WWP2: variants seen among roughly 807,000 people sequenced by gnomAD.
WWP2 encodes WW domain containing E3 ubiquitin protein ligase 2.
WWP2 carries 57 observed loss-of-function variants against 121.0 expected under a neutral mutation model. The ratio of observed to expected loss-of-function variants is 0.47; its 90% CI spans 0.38 to 0.59. The LOEUF (loss-of-function observed/expected upper bound fraction) is 0.59. Ranked by LOEUF, WWP2 falls within the 20% of genes least tolerant of loss-of-function variation. The pLI is 0.00. For missense variants in WWP2, 962 were observed against 1,158.9 expected (o/e 0.83, Z 2.47); for synonymous variants, 449 against 441.3 (o/e 1.02, Z -0.22).
At chr16:69,836,441 A>G (rs897659674) in intron 4 of WWP2, among the ~76,000 whole-genome samples, 3 of 152,104 alleles carry the variant, frequency 2.0e-5, no homozygotes, top group African/African-American at 7.2e-5. Context: ...CATGTGAAGC[A>G]TGTGGCATCA....
chr16:69,818,356 TG>T (rs994006035), intron 4 of WWP2, among the ~76,000 whole-genome samples: 1 of 151,926 alleles, frequency 6.6e-6, no homozygotes, highest in African/African-American at 2.4e-5. Flanking sequence ...TACAGGCACC[TG>T]CCACCACGCC....
chr16:69,917,611 G>C (rs753199713), intron 9 of WWP2, 98 bp from the exon 10 acceptor site: 192 of 1,436,018 alleles, frequency 1.3e-4, no homozygotes, highest in Middle Eastern at 2.0e-4. Context: ...CTCTGTGACA[G>C]GGCCTGCCCG....
chr16:69,884,627 TAAAAACA>T (rs1206792973), intron 7 of WWP2, among the ~76,000 whole-genome samples: 4 of 152,036 alleles, frequency 2.6e-5, no homozygotes, highest in Admixed American at 6.6e-5. Context: ...GACCCTATCT[TAAAAACA>T]AAAAACAAAA....
At chr16:69,932,472 G>A (rs1243141675) in intron 16 of WWP2, among the ~76,000 whole-genome samples, 1 of 152,270 alleles carries the variant, frequency 6.6e-6, no homozygotes, top group Non-Finnish European at 1.5e-5. Context: ...GGACTCCTGG[G>A]AGGGGCGAGA....
rs745415079 is a variant in WWP2 at position 69,917,695 on chromosome 16, G to C, written c.1005-14G>C. On this transcript the variant is annotated splice_polypyrimidine_tract_variant and intron_variant, in intron 9 of 23. Transcript: ENST00000359154. ...GGGTGGTCATTATATTCATTCTGAG[G>C]TTCCTATTTCCAGCTGGGAAAAACG... 4.4e-6 allele frequency: 7 copies of C among 1,595,870 alleles called. No individual in the cohort carries two copies. The highest frequency in any genetic ancestry group is 5.2e-6 in the Non-Finnish European group (6 of 1,164,480).
At chr16:69,766,215 G>C (rs539001050) in intron 1 of WWP2, among the ~76,000 whole-genome samples, 1 of 152,050 alleles carries the variant, frequency 6.6e-6, no homozygotes, top group East Asian at 1.9e-4. Context: ...CCCTTGACTC[G>C]TCTCTTCCTC....
intron 4 of WWP2, among the ~76,000 whole-genome samples, chr16:69,824,131 G>A (rs967056700): frequency 7.9e-5 from 12 of 152,170 alleles, no homozygotes; most frequent in African/African-American, 1.2e-4. Context: ...GGCGGCTTCC[G>A]CCTGACCGTC....
At chr16:69,934,434 G>C (rs8048838) in intron 17 of WWP2, among the ~76,000 whole-genome samples, 1 of 151,484 alleles carries the variant, frequency 6.6e-6, no homozygotes, top group Non-Finnish European at 1.5e-5. Context: ...CTGCCCTGTA[G>C]GTAGTGAAGA....
chr16:69,891,461 A>G (rs2058025954), intron 8 of WWP2, among the ~76,000 whole-genome samples: 3 of 152,186 alleles, frequency 2.0e-5, no homozygotes. Flanking sequence ...CAGCAGCTGA[A>G]TTGAGTATCT....
chr16:69,784,091 C>CTTTTTTTTTTTTTTTTTTTTTTTTTT (rs61650147), intron 1 of WWP2, among the ~76,000 whole-genome samples: 1 of 60,872 alleles, frequency 1.6e-5, no homozygotes, highest in Non-Finnish European at 3.0e-5. Context: ...TTCTTTCTTT[C>CTTTTTTTTTTTTTTTTTTTTTTTTTT]TTTTTTTTTT....
chr16:69,936,480 T>A, intron 19 of WWP2, 28 bp downstream of exon 19: 1 of 1,612,520 alleles, frequency 6.2e-7, no homozygotes, highest in Non-Finnish European at 8.5e-7. Context: ...GGGGCTCCGC[T>A]CCAGGGGTGG....
intron 7 of WWP2, among the ~76,000 whole-genome samples, chr16:69,876,981 G>A (rs1269752492): frequency 1.3e-5 from 2 of 152,088 alleles, no homozygotes; most frequent in African/African-American, 4.8e-5. Context: ...TAATTGATAA[G>A]GGCCCTAGGA....
chr16:69,928,370 T>TC lies in WWP2; in HGVS notation c.1235-1077dup, dbSNP rs2058668036. Reference sequence around the variant, plus strand: ...ACCCCCTAGTTTTTTGTTTTTTTTTTCTCCTGTCTACCTGGAGCTGAGAGG... The same window carrying TC: ...ACCCCCTAGTTTTTTGTTTTTTTTTTCCTCCTGTCTACCTGGAGCTGAGAGG... On this transcript the variant is annotated intron_variant, in intron 11 of 23. Coordinates refer to ENST00000359154, the MANE Select transcript of WWP2 (RefSeq NM_001270454.2). Among the ~76,000 whole-genome samples, 3 of 152,170 alleles carry TC rather than the reference T, an allele frequency of 2.0e-5. No homozygotes were observed. The South Asian group carries it at 6.2e-4, about 32-fold the overall frequency.
chr16:69,876,614 T>C (rs1238020331), intron 7 of WWP2, among the ~76,000 whole-genome samples: 6 of 152,180 alleles, frequency 3.9e-5, no homozygotes, highest in Non-Finnish European at 1.5e-5. Context: ...TTCACTTACC[T>C]TGGCCTCCCA....
chr16:69,931,344 T>C (rs1313318681), intron 14 of WWP2, 117 bp downstream of exon 14: 1 of 1,478,186 alleles, frequency 6.8e-7, no homozygotes, highest in Non-Finnish European at 9.4e-7. Context: ...CGCAAGACAC[T>C]TGTCTAACCC....
intron 4 of WWP2, among the ~76,000 whole-genome samples, chr16:69,812,961 T>A (rs2056422857): frequency 6.6e-6 from 1 of 152,202 alleles, no homozygotes; most frequent in African/African-American, 2.4e-5. Context: ...ACCTGCTAGT[T>A]TCTGCATCCG....
At chr16:69,856,870 A>G (rs779359862) in intron 6 of WWP2, among the ~76,000 whole-genome samples, 2 of 152,062 alleles carry the variant, frequency 1.3e-5, no homozygotes, top group Non-Finnish European at 2.9e-5. Flanking sequence ...TTTTGTGTCC[A>G]CTTGGCATAT....
intron 6 of WWP2, among the ~76,000 whole-genome samples, chr16:69,865,378 T>G (rs1437764040): frequency 6.6e-6 from 1 of 152,186 alleles, no homozygotes; most frequent in East Asian, 1.9e-4. Context: ...TAAAAAATAT[T>G]GGGGTTGTTT....
chr16:69,786,484 T>C (rs910248942), intron 1 of WWP2, among the ~76,000 whole-genome samples: 2 of 130,538 alleles, frequency 1.5e-5, no homozygotes, highest in Non-Finnish European at 3.1e-5. Flanking sequence ...GGAGTTTCGC[T>C]CTTGTCACCC....
Sources: gnomAD v4.1 joint callset for allele counts (sites outside exome capture counted in the v4.1 genomes callset) on GRCh38, gnomAD v4.1.1 for gene constraint, MANE v1.5 for transcripts, NCBI Gene and HGNC (gene_info 2026-07-23, HGNC 2026-07-21) for gene names.